Variants in SMYD1 observed in about 807,000 individuals in gnomAD.
SMYD1 encodes SET and MYND domain containing 1, also known as histone-lysine N-methyltransferase SMYD1.
A neutral mutation model predicts 54.0 loss-of-function variants in SMYD1; 49 were observed. The observed-to-expected ratio is 0.91, with a 90% CI of 0.72 to 1.15. The LOEUF (loss-of-function observed/expected upper bound fraction) is 1.15, where lower values mean the gene tolerates loss of function less well. SMYD1 is among the 50% of genes most tolerant of loss of function. The probability of loss-of-function intolerance (pLI) is 0.00; values close to 1 mark genes in which losing one functional copy is unlikely to be tolerated. For synonymous variants in SMYD1, 269 were observed against 234.2 expected (o/e 1.15, Z -1.36); for missense variants, 653 against 639.6 (o/e 1.02, Z -0.23).
Position 88,084,378 on chromosome 2 carries a change from A to C in SMYD1, c.200A>C (p.Gln67Pro), listed in dbSNP as rs778851806. ...KRQEKLHRCG[Q>P]CKFAHYCDRT... Reference sequence around the variant, plus strand: ...CAGGAGAAGCTCCATCGCTGTGGGCAGTGCAAGTTTGCCCATTACTGCGAC... The same window carrying C: ...CAGGAGAAGCTCCATCGCTGTGGGCCGTGCAAGTTTGCCCATTACTGCGAC... The change falls in exon 2 of 10, where the codon CAG becomes CCG. Residue 67 changes from glutamine to proline, a missense_variant. Coordinates refer to ENST00000419482, the MANE Select transcript of SMYD1 (RefSeq NM_198274.4). 13 of 1,604,414 alleles carry C rather than the reference A, an allele frequency of 8.1e-6. No homozygotes were observed. Among genetic ancestry groups the C allele is most frequent in the Non-Finnish European group, 1.1e-5 (13 of 1,172,032 alleles).
chr2:88,072,114 G>A (rs1032733739), intron 1 of SMYD1, among the ~76,000 whole-genome samples: 1 of 151,968 alleles, frequency 6.6e-6, no homozygotes, highest in Admixed American at 6.5e-5. Flanking sequence ...GTTATAGGTG[G>A]GGTGGGGGTC....
At chr2:88,097,010 T>C (rs1441608793) in intron 6 of SMYD1, among the ~76,000 whole-genome samples, 1 of 152,160 alleles carries the variant, frequency 6.6e-6, no homozygotes, top group Admixed American at 6.5e-5. Context: ...CACCCAGTTT[T>C]CTCAACAGTA....
intron 2 of SMYD1, among the ~76,000 whole-genome samples, chr2:88,084,774 A>G (rs1331403002): frequency 2.6e-5 from 4 of 152,140 alleles, no homozygotes; most frequent in Non-Finnish European, 5.9e-5. Context: ...TTTTGGATAC[A>G]GGGTCTGCTC....
intron 7 of SMYD1, among the ~76,000 whole-genome samples, chr2:88,105,853 G>A (rs757086094): frequency 4.0e-4 from 61 of 152,198 alleles, no homozygotes; most frequent in Non-Finnish European, 7.2e-4. Flanking sequence ...CAGGAGAATC[G>A]CTTGAAGCTA....
intron 7 of SMYD1, among the ~76,000 whole-genome samples, chr2:88,105,873 G>T (rs1674854345): frequency 6.6e-6 from 1 of 152,114 alleles, no homozygotes; most frequent in African/African-American, 2.4e-5. Context: ...AAGACGGGGA[G>T]GTTGCAGTGA....
At chr2:88,097,370 G>A (rs1674616992) in intron 6 of SMYD1, among the ~76,000 whole-genome samples, 1 of 152,134 alleles carries the variant, frequency 6.6e-6, no homozygotes, top group Non-Finnish European at 1.5e-5. Context: ...GAACCCAGCT[G>A]AGCTGGGAGA....
chr2:88,078,135 AG>A (rs1346181690), intron 1 of SMYD1, among the ~76,000 whole-genome samples: 1 of 152,054 alleles, frequency 6.6e-6, no homozygotes. Context: ...GCTGGGGGTG[AG>A]AGGAGCTCAG....
chr2:88,076,995 G>A (rs1009348583), intron 1 of SMYD1, among the ~76,000 whole-genome samples: 17 of 145,976 alleles, frequency 1.2e-4, no homozygotes, highest in African/African-American at 4.4e-4. Flanking sequence ...CTGGAGGACA[G>A]AGAAAGACCC....
chr2:88,109,333 G>A (rs1311901394), intron 9 of SMYD1, among the ~76,000 whole-genome samples: 1 of 152,120 alleles, frequency 6.6e-6, no homozygotes, highest in Non-Finnish European at 1.5e-5. Context: ...GTGGAGTTAG[G>A]GATCACAGGC....
At position 88,103,132 on chromosome 2, in the gene SMYD1, C is replaced by G. The variant is rs61748138; in HGVS notation, c.963C>G (p.Ser321=). The G allele has an allele frequency of 8.1e-6, 13 of 1,612,932 alleles. No individual in the cohort carries two copies. Among genetic ancestry groups the G allele is most frequent in the Non-Finnish European group, 1.1e-5 (13 of 1,179,664 alleles). Reference sequence around the variant, plus strand: ...TGGAAAAGATAGACAAGGCTCGTTCCGAGGGTTTGTATCATGAGGTAAGAA... The same window carrying G: ...TGGAAAAGATAGACAAGGCTCGTTCGGAGGGTTTGTATCATGAGGTAAGAA... ...DTLEKIDKAR[S]EGLYHEVVKL... Residue 321 remains serine, a synonymous_variant, in exon 7 of 10, where the codon TCC becomes TCG. Coordinates refer to ENST00000419482, the MANE Select transcript of SMYD1 (RefSeq NM_198274.4).
chr2:88,080,675 G>T (rs778015683), intron 1 of SMYD1, among the ~76,000 whole-genome samples: 1 of 152,114 alleles, frequency 6.6e-6, no homozygotes, highest in Non-Finnish European at 1.5e-5. Context: ...CCCAGAGGTG[G>T]ACATCTGCTC....
chr2:88,068,959 G>T (rs541881032), intron 1 of SMYD1, among the ~76,000 whole-genome samples: 1 of 152,062 alleles, frequency 6.6e-6, no homozygotes, highest in South Asian at 2.1e-4. Flanking sequence ...GTTCTCCAGG[G>T]CACAGGACTA....
intron 5 of SMYD1, among the ~76,000 whole-genome samples, chr2:88,095,820 G>A (rs1674573654): frequency 6.6e-6 from 1 of 152,202 alleles, no homozygotes; most frequent in Non-Finnish European, 1.5e-5. Flanking sequence ...CTGGATGTCA[G>A]TTCTGCAGTG....
chr2:88,084,473 G>A lies in SMYD1; in HGVS notation c.295G>A (p.Val99Met), dbSNP rs1346090617. 9 of 1,590,164 alleles carry A rather than the reference G, an allele frequency of 5.7e-6. No homozygotes were observed. Among genetic ancestry groups the A allele is most frequent in the Non-Finnish European group, 7.8e-6 (9 of 1,160,678 alleles). Reference sequence around the variant, plus strand: ...TTCGGCCATCAAGAGATATGGGAAGGTGCCCAATGAGAACATCAGGTGAGA... The same window carrying A: ...TTCGGCCATCAAGAGATATGGGAAGATGCCCAATGAGAACATCAGGTGAGA... ...ECSAIKRYGK[V>M]PNENIRLAAR... Residue 99 changes from valine to methionine, a missense_variant, in exon 2 of 10, where the codon GTG (valine) becomes ATG (methionine). Physicochemically the swap from Val to Met is conservative, Grantham distance 21. Transcript: ENST00000419482.
intron 8 of SMYD1, among the ~76,000 whole-genome samples, chr2:88,106,918 T>C (rs1558859551): frequency 6.6e-6 from 1 of 152,124 alleles, no homozygotes; most frequent in African/African-American, 2.4e-5. Flanking sequence ...TGTAAAATTC[T>C]GGCCAGGCGC....
chr2:88,106,960 G>A (rs1395338510), intron 8 of SMYD1, among the ~76,000 whole-genome samples: 2 of 152,098 alleles, frequency 1.3e-5, no homozygotes, highest in African/African-American at 4.8e-5. Flanking sequence ...CAGCATTTTG[G>A]GAGGCCGAGG....
In SMYD1 at chr2:88,084,385, G is replaced by C. The variant is rs1239125558; in HGVS notation, c.207G>C (p.Lys69Asn). 1 of 1,607,600 alleles carries C rather than the reference G, an allele frequency of 6.2e-7. No homozygotes were observed. Among genetic ancestry groups the C allele is most frequent in the Non-Finnish European group, 8.5e-7 (1 of 1,174,594 alleles). The change falls in exon 2 of 10, where the codon AAG becomes AAC. Residue 69 changes from lysine to asparagine, a missense_variant. Transcript: ENST00000419482. ...AGCTCCATCGCTGTGGGCAGTGCAA[G>C]TTTGCCCATTACTGCGACCGCACCT... Reference protein sequence around the residue: ...QEKLHRCGQCKFAHYCDRTCQ... With the variant: ...QEKLHRCGQCNFAHYCDRTCQ...
At position 88,067,926 on chromosome 2, in the gene SMYD1, T is replaced by C. The variant is rs760882759; in HGVS notation, c.62T>C (p.Leu21Pro). The C allele has an allele frequency of 2.5e-6, 4 of 1,614,076 alleles. No individual in the cohort carries two copies. The highest frequency in any genetic ancestry group is 3.4e-6 in the Non-Finnish European group (4 of 1,180,040). The change falls in exon 1 of 10, where the codon CTG becomes CCG. Residue 21 changes from leucine (L) to proline (P), a missense_variant. Transcript: ENST00000419482. ...VFTAEGKGRG[L>P]KATKEFWAAD... ...ACCGCTGAGGGCAAAGGAAGGGGTC[T>C]GAAGGCCACCAAGGAGTTCTGGGCT...
chr2:88,110,419 G>A lies in SMYD1; in HGVS notation c.1380G>A (p.Lys460=), dbSNP rs769341578. 1.9e-6 allele frequency: 3 copies of A among 1,611,770 alleles called. No homozygotes were observed. In the Admixed American group the frequency reaches 5.0e-5, roughly 27 times the overall value. ...MFRQNEFMYY[K]MREAALNNQP... is the part of the protein sequence containing the mutation. ...GCCAGAACGAATTCATGTACTACAA[G>A]ATGCGCGAGGCTGCCCTGAACAACC... The change falls in exon 10 of 10, where the codon AAG becomes AAA. Residue 460 remains lysine, a synonymous_variant. Transcript: ENST00000419482.
Sources: gnomAD v4.1 joint callset for allele counts (sites outside exome capture counted in the v4.1 genomes callset) on GRCh38, gnomAD v4.1.1 for gene constraint, MANE v1.5 for transcripts, NCBI Gene and HGNC (gene_info 2026-07-23, HGNC 2026-07-21) for gene names.